CTNNB1: variants seen among roughly 807,000 people sequenced by gnomAD.
The protein encoded by CTNNB1 is catenin beta-1.
In CTNNB1, 6 loss-of-function variants were observed where a neutral mutation model predicts 82.5. The ratio of observed to expected loss-of-function variants is 0.07; its 90% CI spans 0.04 to 0.14. CTNNB1 has a LOEUF of 0.14. Among genes scored for constraint, CTNNB1 ranks in the 10% least tolerant of loss-of-function variants. CTNNB1 has a pLI of 1.00. For missense variants in CTNNB1, 529 were observed against 980.4 expected, an observed-to-expected ratio of 0.54 and a Z score of 6.15; for synonymous variants, 312 against 329.7, an observed-to-expected ratio of 0.95 and a Z score of 0.58.
In CTNNB1 at chr3:41,239,986, C is replaced by CTTTTTTTTTTTTTTTTTTT. The variant is rs1207330730; in HGVS notation, c.*651_*669dup. The CTTTTTTTTTTTTTTTTTTT allele has an allele frequency of 2.3e-4, 7 of 30,588 alleles. No homozygotes were observed. The highest frequency in any genetic ancestry group is 4.1e-4 in the Non-Finnish European group (6 of 14,782). 1.9% of individuals were successfully genotyped at this position (30,588 alleles called of 1,614,324 possible). ...TGACTTTGCTTGCTTTGAAGTAGCT[C>CTTTTTTTTTTTTTTTTTTT]TTTTTTTTTTTTTTTTTTTTTTTTT... On this transcript the variant is annotated 3_prime_UTR_variant, in exon 15 of 15. Coordinates refer to ENST00000349496, the MANE Select transcript of CTNNB1 (RefSeq NM_001904.4).
chr3:41,217,968 T>G (rs1337418909), intron 1 of CTNNB1, among the ~76,000 whole-genome samples: 1 of 152,196 alleles, frequency 6.6e-6, no homozygotes, highest in Non-Finnish European at 1.5e-5. Context: ...GCTCAGATTT[T>G]AAAAACTACA....
chr3:41,236,821 G>A (rs1479990130), intron 13 of CTNNB1, 112 bp downstream of exon 13: 7 of 1,425,186 alleles, frequency 4.9e-6, no homozygotes, highest in South Asian at 1.1e-5. Context: ...ATGTTTCCCT[G>A]GCTTGAGTAT....
chr3:41,216,079 C>T (rs190395245), intron 1 of CTNNB1, among the ~76,000 whole-genome samples: 2 of 152,162 alleles, frequency 1.3e-5, no homozygotes, highest in Admixed American at 1.3e-4. Flanking sequence ...ACAAGCAGAC[C>T]TGGATTTGAA....
intron 1 of CTNNB1, among the ~76,000 whole-genome samples, chr3:41,210,736 C>T (rs1413436884): frequency 6.6e-6 from 1 of 151,812 alleles, no homozygotes; most frequent in Non-Finnish European, 1.5e-5. Flanking sequence ...AGTACATAAA[C>T]CTGTAACAAT....
chr3:41,204,142 AT>A (rs2125585086), intron 1 of CTNNB1, among the ~76,000 whole-genome samples: 1 of 151,696 alleles, frequency 6.6e-6, no homozygotes, highest in East Asian at 1.9e-4. Flanking sequence ...TATGTGAATG[AT>A]TATTTCAGGA....
At chr3:41,238,194 A>G (rs2125650960) in intron 14 of CTNNB1, 118 bp downstream of exon 14, 3 of 870,488 alleles carry the variant, frequency 3.4e-6, no homozygotes, top group Middle Eastern at 2.2e-4. Context: ...AGTGGCTTCA[A>G]TTAAAAGCAG....
intron 7 of CTNNB1, among the ~76,000 whole-genome samples, chr3:41,229,898 G>GTGTGTGTGTGTGTGTGTT (rs2078266970): frequency 6.6e-6 from 1 of 151,858 alleles, no homozygotes; most frequent in African/African-American, 2.4e-5. Flanking sequence ...GTGTGTGTGT[G>GTGTGTGTGTGTGTGTGTT]TGTGTGTGTC....
intron 11 of CTNNB1, 125 bp downstream of exon 11, chr3:41,235,968 C>T: frequency 1.6e-6 from 2 of 1,257,614 alleles, no homozygotes; most frequent in South Asian, 1.2e-5. Flanking sequence ...ATGAAAATTC[C>T]CTACATTTTT....
At chr3:41,227,136 G>T (rs1205904414) in intron 6 of CTNNB1, 72 bp from the exon 7 acceptor site, 2 of 1,253,122 alleles carry the variant, frequency 1.6e-6, no homozygotes, top group South Asian at 1.2e-5. Flanking sequence ...AAAATAGGTT[G>T]GTAATATGGC....
chr3:41,211,207 A>G (rs550750292), intron 1 of CTNNB1, among the ~76,000 whole-genome samples: 1 of 152,190 alleles, frequency 6.6e-6, no homozygotes, highest in African/African-American at 2.4e-5. Context: ...GATGGCTACA[A>G]CATCACTAGG....
At chr3:41,237,842 ATG>A (rs1319748623) in intron 13 of CTNNB1, 172 bp from the exon 14 acceptor site, 2 of 614,428 alleles carry the variant, frequency 3.3e-6, no homozygotes, top group African/African-American at 1.8e-5. Flanking sequence ...AGAAAAAAAA[ATG>A]TATCTTTGAG....
At chr3:41,227,458 G>A (rs2078205059) in intron 7 of CTNNB1, 106 bp downstream of exon 7, 3 of 1,209,050 alleles carry the variant, frequency 2.5e-6, no homozygotes, top group Non-Finnish European at 3.6e-6. Context: ...GAAAATAAAT[G>A]GTCCTATTCA....
chr3:41,201,781 T>A (rs894305831), intron 1 of CTNNB1, among the ~76,000 whole-genome samples: 6 of 152,174 alleles, frequency 3.9e-5, no homozygotes, highest in East Asian at 1.9e-4. Context: ...AGGGGTTTTT[T>A]AAACTGTTAT....
chr3:41,237,162 A>C, intron 13 of CTNNB1: 1 of 229,878 alleles, frequency 4.4e-6, no homozygotes. Context: ...TAAAACTAGA[A>C]CATCCTGATA....
chr3:41,201,893 T>G (rs932162331), intron 1 of CTNNB1, among the ~76,000 whole-genome samples: 5 of 152,070 alleles, frequency 3.3e-5, no homozygotes, highest in African/African-American at 4.8e-5. Flanking sequence ...GAATAAAAAT[T>G]GGCATAAATG....
intron 1 of CTNNB1, among the ~76,000 whole-genome samples, chr3:41,209,031 C>G (rs2077715735): frequency 6.6e-6 from 1 of 152,216 alleles, no homozygotes; most frequent in Admixed American, 6.5e-5. Flanking sequence ...TGTCATCTCA[C>G]TTAATCTGTT....
chr3:41,238,207 C>T (rs1236197312), intron 14 of CTNNB1, 131 bp downstream of exon 14: 1 of 803,750 alleles, frequency 1.2e-6, no homozygotes, highest in Non-Finnish European at 2.2e-6. Context: ...AAAAGCAGTT[C>T]TTAAATTCCA....
At chr3:41,233,485 G>A (rs1334196639) in intron 8 of CTNNB1, 41 bp downstream of exon 8, 1 of 1,613,360 alleles carries the variant, frequency 6.2e-7, no homozygotes, top group South Asian at 1.1e-5. Flanking sequence ...ATAGAGTCAA[G>A]ATGAGTATGT....
rs745951696 is a variant in CTNNB1 at position 41,235,728 on chromosome 3, G to A, written c.1688G>A (p.Gly563Glu). The change falls in exon 11 of 15, where the codon GGG becomes GAG. Residue 563 changes from glycine (G) to glutamate (E), a missense_variant. By Grantham distance (98) the Gly-to-Glu change is moderately conservative. This residue lies in a region of CTNNB1 where 411 missense variants were observed against 776.4 expected (regional missense o/e 0.53). Coordinates refer to ENST00000349496, the MANE Select transcript of CTNNB1 (RefSeq NM_001904.4). ...TAACCATGTTTCTTTTGGCAGGAGG[G>A]GGTCCGCATGGAAGAAATAGTTGAA... ...MGGTQQQFVE[G>E]VRMEEIVEGC... 1 of 1,614,114 alleles carries A rather than the reference G, an allele frequency of 6.2e-7. No individual in the cohort carries two copies. The highest frequency in any genetic ancestry group is 1.1e-5 in the South Asian group (1 of 91,080).
Sources: allele counts gnomAD v4.1 joint callset (sites outside exome capture counted in the v4.1 genomes callset), GRCh38; gene constraint gnomAD v4.1.1; regional missense constraint gnomAD v4.1.1; transcripts MANE v1.5; gene names NCBI Gene and HGNC (gene_info 2026-07-23, HGNC 2026-07-21).